The following KMT2C variants were observed in gnomAD, a reference collection of about 807,000 sequenced individuals.
KMT2C encodes histone-lysine N-methyltransferase 2C.
In KMT2C, 88 loss-of-function variants were observed where a neutral mutation model predicts 507.9. That is an observed-to-expected ratio of 0.17 (90% CI 0.15 to 0.21). The LOEUF is 0.21. KMT2C is among the 10% of genes least tolerant of loss of function. The pLI is 1.00. For missense variants in KMT2C, 4,954 were observed against 5,957.8 expected (o/e 0.83, Z 5.55); for synonymous variants, 2,049 against 2,080.8 (o/e 0.98, Z 0.42).
chr7:152,280,185 C>T (rs73730029), intron 6 of KMT2C, among the ~76,000 whole-genome samples: 6,342 of 112,776 alleles, frequency 0.056, 366 homozygotes, highest in African/African-American at 0.17. Flanking sequence ...AAAAGAGCCA[C>T]GAGGAAAAAC....
intron 44 of KMT2C, among the ~76,000 whole-genome samples, chr7:152,156,919 G>C (rs1050285043): frequency 1.3e-5 from 2 of 152,082 alleles, no homozygotes; most frequent in Admixed American, 1.3e-4. Flanking sequence ...CAGCTTAACA[G>C]TTATCACCAA....
chr7:152,369,178 C>T (rs1305608661), intron 1 of KMT2C, among the ~76,000 whole-genome samples: 1 of 151,984 alleles, frequency 6.6e-6, no homozygotes, highest in Non-Finnish European at 1.5e-5. Context: ...CAAAAGTTGG[C>T]CGGGCATGGT....
chr7:152,426,269 G>A (rs1445344392), intron 1 of KMT2C, among the ~76,000 whole-genome samples: 4 of 129,062 alleles, frequency 3.1e-5, no homozygotes, highest in African/African-American at 6.1e-5. Context: ...ATAGGGTCTC[G>A]CTCTGTCACC....
Position 152,180,068 on chromosome 7 carries a change from C to G in KMT2C, c.7208G>C (p.Arg2403Pro), listed in dbSNP as rs761384148. Residue 2403 changes from arginine (R) to proline (P), a missense_variant, in exon 37 of 59, where the codon CGA becomes CCA. By Grantham distance (103) the Arg-to-Pro change is moderately radical. Transcript: ENST00000262189. The part of the protein sequence containing the change: ...QQQQQKKIAG[R>P]QEKGSQDSPA... The stretch of plus-strand genomic sequence containing the variant: ...TGAGTCCTGTGACCCCTTCTCCTGT[C>G]GACCTGCAATCTTCTTCTGCTGTTG... The G allele has an allele frequency of 6.2e-7, 1 of 1,614,174 alleles. No homozygotes were observed. Among genetic ancestry groups the G allele is most frequent in the Non-Finnish European group, 8.5e-7 (1 of 1,180,046 alleles).
At chr7:152,373,154 G>GA (rs999579942) in intron 1 of KMT2C, among the ~76,000 whole-genome samples, 3 of 151,620 alleles carry the variant, frequency 2.0e-5, no homozygotes, top group African/African-American at 7.3e-5. Context: ...AACAAATGCA[G>GA]AAAAAAAACA....
chr7:152,385,214 C>A (rs952931510), intron 1 of KMT2C, among the ~76,000 whole-genome samples: 7 of 152,000 alleles, frequency 4.6e-5, no homozygotes, highest in African/African-American at 1.7e-4. Context: ...GGCAAATAAC[C>A]CATTTCTTTA....
At chr7:152,367,510 A>G (rs759106613) in intron 1 of KMT2C, 64 of 1,017,386 alleles carry the variant, frequency 6.3e-5, no homozygotes, top group Non-Finnish European at 9.2e-5. Context: ...GAGCCACCTT[A>G]CCCAGAGAGG....
intron 2 of KMT2C, among the ~76,000 whole-genome samples, chr7:152,345,714 T>C (rs1589332688): frequency 6.6e-6 from 1 of 151,906 alleles, no homozygotes; most frequent in Admixed American, 6.6e-5. Context: ...AGAGGTGGGG[T>C]TTCACCACGT....
At chr7:152,284,052 A>G (rs1403310914) in intron 6 of KMT2C, among the ~76,000 whole-genome samples, 1 of 151,844 alleles carries the variant, frequency 6.6e-6, no homozygotes, top group African/African-American at 2.4e-5. Context: ...TGAAATTGAA[A>G]CAAAAACAAT....
intron 1 of KMT2C, among the ~76,000 whole-genome samples, chr7:152,434,778 G>T (rs1340885179): frequency 6.6e-6 from 1 of 152,116 alleles, no homozygotes; most frequent in Admixed American, 6.5e-5. Context: ...AATAAGCTGG[G>T]GTCCAGCCCT....
At chr7:152,428,012 A>AT (rs2097836364) in intron 1 of KMT2C, among the ~76,000 whole-genome samples, 2 of 152,108 alleles carry the variant, frequency 1.3e-5, no homozygotes, top group African/African-American at 4.8e-5. Context: ...TCCTGTCTCC[A>AT]TATTATTACC....
intron 6 of KMT2C, among the ~76,000 whole-genome samples, chr7:152,284,572 T>C (rs1464545537): frequency 6.6e-6 from 1 of 152,152 alleles, no homozygotes; most frequent in Non-Finnish European, 1.5e-5. Flanking sequence ...ATGACCAATG[T>C]CATCAAAATT....
chr7:152,290,324 T>G (rs1367984156), intron 6 of KMT2C, among the ~76,000 whole-genome samples: 42 of 105,248 alleles, frequency 4.0e-4, no homozygotes, highest in South Asian at 3.3e-3. Flanking sequence ...TTTTTTTTTT[T>G]GTCTGAGATG....
chr7:152,189,756 A>G (rs896333763), intron 31 of KMT2C, among the ~76,000 whole-genome samples: 1 of 152,214 alleles, frequency 6.6e-6, no homozygotes, highest in Non-Finnish European at 1.5e-5. Context: ...GGTTTTCACA[A>G]TGACAAATAT....
chr7:152,312,021 A>G (rs527697227), intron 4 of KMT2C, 75 bp from the exon 5 acceptor site: 3 of 1,132,396 alleles, frequency 2.6e-6, no homozygotes, highest in South Asian at 3.6e-5. Flanking sequence ...TTTAAATGCA[A>G]TGTACTGCCA....
At chr7:152,384,057 C>CGTGTGT (rs1245190402) in intron 1 of KMT2C, among the ~76,000 whole-genome samples, 2 of 143,748 alleles carry the variant, frequency 1.4e-5, no homozygotes, top group Non-Finnish European at 3.0e-5. Context: ...TGTGTGTGTG[C>CGTGTGT]GTGTGTGTAG....
chr7:152,226,218 CCT>C (rs1491499948), intron 18 of KMT2C, among the ~76,000 whole-genome samples: 13 of 128,026 alleles, frequency 1.0e-4, no homozygotes, highest in African/African-American at 3.9e-4. Context: ...CATTACAAGG[CCT>C]TTTTTTTTTT....
intron 37 of KMT2C, among the ~76,000 whole-genome samples, chr7:152,178,966 A>C (rs2093330073): frequency 6.6e-6 from 1 of 152,174 alleles, no homozygotes; most frequent in South Asian, 2.1e-4. Flanking sequence ...AAGTCCTTTC[A>C]GTTCGGAAAT....
intron 4 of KMT2C, 30 bp downstream of exon 4, chr7:152,315,108 A>G (rs373499443): frequency 3.8e-6 from 6 of 1,562,318 alleles, no homozygotes; most frequent in Non-Finnish European, 5.3e-6. Context: ...GTCTTAATCT[A>G]TTCCAACATT....
Sources: allele counts gnomAD v4.1 joint callset (sites outside exome capture counted in the v4.1 genomes callset), GRCh38; gene constraint gnomAD v4.1.1; transcripts MANE v1.5; gene names NCBI Gene and HGNC (gene_info 2026-07-23, HGNC 2026-07-21).